Variants in GPR155 observed in about 807,000 individuals in gnomAD.
GPR155 encodes the protein lysosomal cholesterol signaling protein.
Under a neutral mutation model 93.1 loss-of-function variants are expected in GPR155, and 65 were observed. The observed-to-expected ratio is 0.70, with a 90% CI of 0.57 to 0.86. The LOEUF is 0.86. Ranked by LOEUF, GPR155 falls within the 40% of genes least tolerant of loss-of-function variation. The probability of loss-of-function intolerance (pLI) is 0.00; values close to 1 mark genes in which losing one functional copy is unlikely to be tolerated. For synonymous variants in GPR155, 319 were observed against 360.1 expected, an observed-to-expected ratio of 0.89 and a Z score of 1.29; for missense variants, 838 against 1,034.8, an observed-to-expected ratio of 0.81 and a Z score of 2.61.
rs1244174111 is a variant in GPR155 at position 174,447,676 on chromosome 2, T to C, written c.1877-929A>G. ...TATATATTAGATATTATATATATCCTAAGTGAATTAACACAGGAACAGAAA... is the reference window on the plus strand; with the variant it reads ...TATATATTAGATATTATATATATCCCAAGTGAATTAACACAGGAACAGAAA... On this transcript the variant is annotated intron_variant, in intron 11 of 15. Transcript: ENST00000392552. Among the ~76,000 whole-genome samples the C allele has an allele frequency of 2.7e-5, 4 of 146,830 alleles. No individual in the cohort carries two copies. In the East Asian group the frequency reaches 7.8e-4, roughly 29 times the overall value.
At chr2:174,484,748 T>A (rs1376771310) in intron 1 of GPR155, among the ~76,000 whole-genome samples, 1 of 152,168 alleles carries the variant, frequency 6.6e-6, no homozygotes, top group Non-Finnish European at 1.5e-5. Context: ...CTGGCCAACA[T>A]GGCAAAACCT....
Position 174,435,840 on chromosome 2 carries a change from A to G in GPR155, c.*276T>C, listed in dbSNP as rs1686763060. 2 of 324,182 alleles carry G rather than the reference A, an allele frequency of 6.2e-6. No homozygotes were observed. The highest frequency in any genetic ancestry group is 1.1e-5 in the Non-Finnish European group (2 of 176,258). 20.1% of individuals were successfully genotyped at this position (324,182 alleles called of 1,614,324 possible). On this transcript the variant is annotated 3_prime_UTR_variant, in exon 16 of 16. Coordinates refer to ENST00000392552, the MANE Select transcript of GPR155 (RefSeq NM_152529.7). Reference sequence around the variant, plus strand: ...GGGATCTTCAGGAGTCCTGGAACCAATCCCCTTGGATACTAAAGGATGACT... The same window carrying G: ...GGGATCTTCAGGAGTCCTGGAACCAGTCCCCTTGGATACTAAAGGATGACT...
chr2:174,459,749 G>A, intron 10 of GPR155, 129 bp downstream of exon 10: 1 of 631,466 alleles, frequency 1.6e-6, no homozygotes, highest in East Asian at 2.8e-5. Context: ...GGAGGCTCAG[G>A]TGGCAGAATC....
chr2:174,468,841 C>A, intron 5 of GPR155, 71 bp downstream of exon 5: 2 of 1,235,010 alleles, frequency 1.6e-6, no homozygotes, highest in Non-Finnish European at 2.3e-6. Flanking sequence ...TTTTTAAATC[C>A]CTTCTGTTAA....
rs1399706746 is a variant in GPR155, at chr2:174,432,934, T to C, written c.*3182A>G. ...GCCCACCACCACGTCTGGCTAATTT[T>C]TTGTATTTTTAGTAGAGACGGGATT... On this transcript the variant is annotated 3_prime_UTR_variant, in exon 16 of 16. Coordinates refer to ENST00000392552, the MANE Select transcript of GPR155 (RefSeq NM_152529.7). The C allele has an allele frequency of 6.6e-6, 1 of 151,932 alleles. No homozygotes were observed. Among genetic ancestry groups the C allele is most frequent in the African/African-American group, 2.4e-5 (1 of 41,322 alleles). 9.4% of individuals were successfully genotyped at this position (151,932 alleles called of 1,614,324 possible). A position where few individuals can be genotyped will look rare whatever the true frequency, so the allele number is the denominator to read the frequency against.
rs1183238820 is a variant in GPR155, at chr2:174,433,521, A to G, written c.*2595T>C. 1 of 152,250 alleles carries G rather than the reference A, an allele frequency of 6.6e-6. No homozygotes were observed. Among genetic ancestry groups the G allele is most frequent in the Non-Finnish European group, 1.5e-5 (1 of 68,054 alleles). The allele number at this position is 152,250 out of a possible 1,614,324, so 9.4% of individuals were successfully genotyped here. ...ATTCAAGTACTGATGGGAAGAATTT[A>G]CACAGCCCCACTTCTCTGCCTGTAG... On this transcript the variant is annotated 3_prime_UTR_variant, in exon 16 of 16. Coordinates refer to ENST00000392552, the MANE Select transcript of GPR155 (RefSeq NM_152529.7).
intron 4 of GPR155, 50 bp from the exon 5 acceptor site, chr2:174,469,117 T>C (rs1438996602): frequency 6.5e-7 from 1 of 1,537,934 alleles, no homozygotes; most frequent in Non-Finnish European, 9.0e-7. Context: ...TTAAACAGTA[T>C]TTTAAACTTT....
At chr2:174,444,983 AAAC>A in intron 13 of GPR155, 95 bp downstream of exon 13, 1 of 650,188 alleles carries the variant, frequency 1.5e-6, no homozygotes, top group South Asian at 1.8e-5. Flanking sequence ...ATGTGAAAGA[AAAC>A]AACATCCTAA....
chr2:174,479,992 T>C (rs1688274718), intron 2 of GPR155, among the ~76,000 whole-genome samples: 1 of 152,130 alleles, frequency 6.6e-6, no homozygotes, highest in South Asian at 2.1e-4. Context: ...GGTAACAAGA[T>C]AGAGGAAAGT....
chr2:174,485,734 T>C lies in GPR155; in HGVS notation c.-32+1139A>G, dbSNP rs537590515. Among the ~76,000 whole-genome samples the C allele has an allele frequency of 3.9e-5, 6 of 152,238 alleles. No individual in the cohort carries two copies. In the South Asian group the frequency reaches 1.2e-3, roughly 32 times the overall value. ...CTTTAAAAGTTTCATTTCATCCTAA[T>C]CTTTTTTAAACGGGAAGATAATATG... is the stretch of plus-strand genomic sequence containing the variant. On this transcript the variant is annotated intron_variant, in intron 1 of 15. Coordinates refer to ENST00000392552, the MANE Select transcript of GPR155 (RefSeq NM_152529.7).
intron 10 of GPR155, among the ~76,000 whole-genome samples, chr2:174,454,129 T>G (rs1687416266): frequency 1.3e-5 from 2 of 151,988 alleles, no homozygotes; most frequent in Non-Finnish European, 2.9e-5. Flanking sequence ...GGATTTTGTT[T>G]TGTTTTGTTC....
rs772432545 is a variant in GPR155 at position 174,469,001 on chromosome 2, G to A, written c.1093C>T (p.Leu365=). 1.2e-6 allele frequency: 2 copies of A among 1,614,006 alleles called. No homozygotes were observed. The highest frequency in any genetic ancestry group is 1.3e-5 in the African/African-American group (1 of 75,054). ...TTAGGGTCCATAGTGGGAAAGGTCA[G>A]TAACCAGGCAGAAACGTACATGATG... ...APIMYVSAWL[L]TFPTMDPKPL... is the part of the protein sequence containing the mutation. The change falls in exon 5 of 16, where the codon CTG becomes TTG. Residue 365 remains leucine, a synonymous_variant. Coordinates refer to ENST00000392552, the MANE Select transcript of GPR155 (RefSeq NM_152529.7).
intron 9 of GPR155, among the ~76,000 whole-genome samples, chr2:174,461,140 C>A (rs1687680561): frequency 6.6e-6 from 1 of 152,100 alleles, no homozygotes. Flanking sequence ...ACTCTTTTCT[C>A]CAGCACAGGA....
In GPR155 at chr2:174,460,105, A is replaced by T; in HGVS notation, c.1561-17T>A. The T allele has an allele frequency of 6.3e-7, 1 of 1,598,098 alleles. No individual in the cohort carries two copies. Among genetic ancestry groups the T allele is most frequent in the Non-Finnish European group, 8.6e-7 (1 of 1,168,906 alleles). On this transcript the variant is annotated splice_polypyrimidine_tract_variant and intron_variant, in intron 9 of 15. Coordinates refer to ENST00000392552, the MANE Select transcript of GPR155 (RefSeq NM_152529.7). ...GGTGATCATCTGCCGACATGAAAAA[A>T]AGATATCAGGCCACTTTTCACAACT...
At position 174,484,215 on chromosome 2, in the gene GPR155, C is replaced by T. The variant is rs529580995; in HGVS notation, c.-31-2228G>A. On this transcript the variant is annotated intron_variant, in intron 1 of 15. Coordinates refer to ENST00000392552, the MANE Select transcript of GPR155 (RefSeq NM_152529.7). ...TAGTACATGAAACCTACACTACTCA[C>T]ATACTTGAAGTTTACCAAATAAGCA... Among the ~76,000 whole-genome samples, 11 of 152,358 alleles carry T rather than the reference C, an allele frequency of 7.2e-5. No individual in the cohort carries two copies. In the South Asian group the frequency reaches 1.7e-3, roughly 23 times the overall value.
rs150887164 is a variant in GPR155, at chr2:174,441,591, C to G, written c.2174+528G>C. 9.7e-4 allele frequency among the ~76,000 whole-genome samples: 147 copies of G among 152,202 alleles called. 2 individuals are homozygous for G. In the East Asian group the frequency reaches 0.027, roughly 28 times the overall value. On this transcript the variant is annotated intron_variant, in intron 14 of 15. Coordinates refer to ENST00000392552, the MANE Select transcript of GPR155 (RefSeq NM_152529.7). ...ATGCTATCCCTCCCACCTTACCCTACCCCACGACAGGCCCCGGTGTGTGAT... is the reference window on the plus strand; with the variant it reads ...ATGCTATCCCTCCCACCTTACCCTAGCCCACGACAGGCCCCGGTGTGTGAT...
In GPR155 at chr2:174,431,854, C is replaced by A. The variant is rs1255574671; in HGVS notation, c.*4262G>T. On this transcript the variant is annotated 3_prime_UTR_variant, in exon 16 of 16. Coordinates refer to ENST00000392552, the MANE Select transcript of GPR155 (RefSeq NM_152529.7). Reference sequence around the variant, plus strand: ...TTTACTGACCATTAATTGTTGTTCTCAAAATGCCAAATACACTTTGTCTTA... The same window carrying A: ...TTTACTGACCATTAATTGTTGTTCTAAAAATGCCAAATACACTTTGTCTTA... 1 of 152,184 alleles carries A rather than the reference C, an allele frequency of 6.6e-6. No homozygotes were observed. Among genetic ancestry groups the A allele is most frequent in the Non-Finnish European group, 1.5e-5 (1 of 68,024 alleles). The allele number at this position is 152,184 out of a possible 1,614,324, so 9.4% of individuals were successfully genotyped here. A position where few individuals can be genotyped will look rare whatever the true frequency, so the allele number is the denominator to read the frequency against.
At chr2:174,458,276 G>A (rs1453052737) in intron 10 of GPR155, among the ~76,000 whole-genome samples, 1 of 152,104 alleles carries the variant, frequency 6.6e-6, no homozygotes, top group Non-Finnish European at 1.5e-5. Flanking sequence ...TGCTCACTGT[G>A]TCCTAGGACC....
intron 11 of GPR155, among the ~76,000 whole-genome samples, chr2:174,448,510 T>TG (rs1687211191): frequency 7.5e-6 from 1 of 132,816 alleles, no homozygotes; most frequent in Admixed American, 8.0e-5. Context: ...TACTGGGAAG[T>TG]TTTTTGTTTT....
Sources: allele counts gnomAD v4.1 joint callset (sites outside exome capture counted in the v4.1 genomes callset), GRCh38; gene constraint gnomAD v4.1.1; transcripts MANE v1.5; gene names NCBI Gene and HGNC (gene_info 2026-07-23, HGNC 2026-07-21).